Variants in CBFA2T2 observed in about 807,000 individuals in gnomAD.
The protein encoded by CBFA2T2 is protein CBFA2T2.
CBFA2T2 carries 11 observed loss-of-function variants against 62.2 expected under a neutral mutation model. The observed-to-expected ratio is 0.18, with a 90% CI of 0.11 to 0.29. CBFA2T2 has a LOEUF of 0.29. Among genes scored for constraint, CBFA2T2 ranks in the 10% least tolerant of loss-of-function variants. CBFA2T2 has a pLI of 1.00. For missense variants in CBFA2T2, 592 were observed against 774.1 expected (o/e 0.76, Z 2.79); for synonymous variants, 295 against 287.5 (o/e 1.03, Z -0.27).
intron 1 of CBFA2T2, among the ~76,000 whole-genome samples, chr20:33,544,810 G>C (rs1288795190): frequency 1.3e-5 from 2 of 152,184 alleles, no homozygotes; most frequent in African/African-American, 4.8e-5. Flanking sequence ...CTCCCAAAAT[G>C]CTGGAATTAC....
At chr20:33,496,253 C>T (rs952731601) in intron 1 of CBFA2T2, among the ~76,000 whole-genome samples, 3 of 152,166 alleles carry the variant, frequency 2.0e-5, no homozygotes, top group African/African-American at 7.2e-5. Flanking sequence ...AGATCTGGAC[C>T]TACAGGGAAC....
Position 33,636,637 on chromosome 20 carries a change from C to A in CBFA2T2, c.1229-3C>A. 6.2e-7 allele frequency: 1 copy of A among 1,611,790 alleles called. No individual in the cohort carries two copies. Among genetic ancestry groups the A allele is most frequent in the Non-Finnish European group, 8.5e-7 (1 of 1,178,194 alleles). ...CCCTATGCTTTTTATGTCTCTTCTG[C>A]AGATTCTCAGAGAGAGTTCAACAGC... On this transcript the variant is annotated splice_region_variant and splice_polypyrimidine_tract_variant and intron_variant, in intron 8 of 10. Transcript: ENST00000342704.
Position 33,644,678 on chromosome 20 carries a change from C to G in CBFA2T2, c.*32C>G, listed in dbSNP as rs369975901. 8 of 1,562,908 alleles carry G rather than the reference C, an allele frequency of 5.1e-6. No homozygotes were observed. The African/African-American group carries it at 1.1e-4, about 21-fold the overall frequency. On this transcript the variant is annotated 3_prime_UTR_variant, in exon 11 of 11. Transcript: ENST00000342704. ...GACTCTGCTTACCCTGATGGCTGCT[C>G]AGCACCACAGAGTGCTTGGGCTGAG...
Position 33,490,239 on chromosome 20 carries a change from C to G in CBFA2T2, c.-29C>G. 1 of 1,229,014 alleles carries G rather than the reference C, an allele frequency of 8.1e-7. No homozygotes were observed. The highest frequency in any genetic ancestry group is 3.2e-5 in the East Asian group (1 of 31,106). The allele number at this position is 1,229,014 out of a possible 1,614,324, so 76.1% of individuals were successfully genotyped here. On this transcript the variant is annotated 5_prime_UTR_variant, in exon 1 of 11. Transcript: ENST00000342704. Reference sequence around the variant, plus strand: ...GAGGGACCCGTGTCGCGGGTAGAGGCGGGCGGCGCGCGGCGGCGGCGCTCG... The same window carrying G: ...GAGGGACCCGTGTCGCGGGTAGAGGGGGGCGGCGCGCGGCGGCGGCGCTCG...
chr20:33,546,373 CT>C (rs982949973), intron 1 of CBFA2T2, among the ~76,000 whole-genome samples: 3 of 146,732 alleles, frequency 2.0e-5, no homozygotes, highest in East Asian at 4.0e-4. Context: ...TGAATTTCTT[CT>C]TTTTTTTGGT....
chr20:33,503,404 G>T (rs1442169663), intron 1 of CBFA2T2, among the ~76,000 whole-genome samples: 1 of 151,404 alleles, frequency 6.6e-6, no homozygotes, highest in Non-Finnish European at 1.5e-5. Context: ...ACAGGCGCCC[G>T]CCATCAGGCC....
intron 3 of CBFA2T2, among the ~76,000 whole-genome samples, chr20:33,618,201 T>C (rs531621052): frequency 2.0e-5 from 3 of 150,106 alleles, no homozygotes; most frequent in Non-Finnish European, 4.4e-5. Flanking sequence ...TAGGAAAATA[T>C]ATTGTGATAG....
intron 3 of CBFA2T2, among the ~76,000 whole-genome samples, chr20:33,611,789 A>G (rs1251212633): frequency 6.6e-6 from 1 of 152,212 alleles, no homozygotes; most frequent in African/African-American, 2.4e-5. Context: ...TGCTGGGATT[A>G]TAAGCATGAT....
At chr20:33,511,539 TA>T (rs960962058) in intron 1 of CBFA2T2, among the ~76,000 whole-genome samples, 1 of 152,074 alleles carries the variant, frequency 6.6e-6, no homozygotes, top group Non-Finnish European at 1.5e-5. Context: ...GCAAAACTCT[TA>T]AAAAAATGGT....
chr20:33,507,511 AT>A (rs2011424814), intron 1 of CBFA2T2, among the ~76,000 whole-genome samples: 1 of 152,218 alleles, frequency 6.6e-6, no homozygotes. Context: ...CTAATTTAAC[AT>A]TTGAAACGAA....
chr20:33,495,981 T>TACCATCTG (rs1395435238), intron 1 of CBFA2T2, among the ~76,000 whole-genome samples: 6 of 152,218 alleles, frequency 3.9e-5, no homozygotes, highest in Admixed American at 3.9e-4. Context: ...GCTGAGGGTA[T>TACCATCTG]ACCATCTGAC....
intron 1 of CBFA2T2, among the ~76,000 whole-genome samples, chr20:33,510,706 A>C (rs1235041655): frequency 2.6e-5 from 4 of 152,144 alleles, no homozygotes; most frequent in Non-Finnish European, 4.4e-5. Flanking sequence ...TTGAGGAATC[A>C]CCACACTGTC....
intron 3 of CBFA2T2, among the ~76,000 whole-genome samples, 162 bp from the exon 4 acceptor site, chr20:33,619,355 C>T (rs368316883): frequency 6.6e-6 from 1 of 151,640 alleles, no homozygotes; most frequent in Admixed American, 6.6e-5. Context: ...TACAGTGAGC[C>T]GAGACCGCGC....
intron 1 of CBFA2T2, among the ~76,000 whole-genome samples, chr20:33,500,885 TC>T (rs1258362981): frequency 6.6e-6 from 1 of 152,216 alleles, no homozygotes; most frequent in Non-Finnish European, 1.5e-5. Flanking sequence ...CCCATATGTT[TC>T]CTGATCTTAG....
intron 1 of CBFA2T2, among the ~76,000 whole-genome samples, chr20:33,578,846 G>T (rs150752217): frequency 1.4e-3 from 210 of 151,998 alleles, no homozygotes; most frequent in African/African-American, 4.8e-3. Context: ...AAATCTGAAG[G>T]ATGGCATAAA....
At chr20:33,634,668 T>G (rs2016566916) in intron 8 of CBFA2T2, among the ~76,000 whole-genome samples, 1 of 72,918 alleles carries the variant, frequency 1.4e-5, no homozygotes, top group Non-Finnish European at 2.4e-5. Flanking sequence ...AGACCCTATG[T>G]CCAAAAAAAA....
chr20:33,643,859 G>A (rs3054970), intron 10 of CBFA2T2, among the ~76,000 whole-genome samples: 4,033 of 95,742 alleles, frequency 0.042, 394 homozygotes, highest in African/African-American at 0.15. Context: ...GTGTGTGTGT[G>A]TATATAATGT....
At chr20:33,530,790 T>C (rs764153243) in intron 1 of CBFA2T2, among the ~76,000 whole-genome samples, 12 of 151,718 alleles carry the variant, frequency 7.9e-5, no homozygotes, top group Non-Finnish European at 1.5e-4. Flanking sequence ...TCCATGAAAA[T>C]AAAGATGGCG....
At chr20:33,495,010 A>G (rs1308335409) in intron 1 of CBFA2T2, among the ~76,000 whole-genome samples, 1 of 152,202 alleles carries the variant, frequency 6.6e-6, no homozygotes, top group Non-Finnish European at 1.5e-5. Context: ...AATTTTAACA[A>G]TACCTCCTGG....
Sources: gnomAD v4.1 joint callset for allele counts (sites outside exome capture counted in the v4.1 genomes callset) on GRCh38, gnomAD v4.1.1 for gene constraint, MANE v1.5 for transcripts, NCBI Gene and HGNC (gene_info 2026-07-23, HGNC 2026-07-21) for gene names.